Variants in DMD observed in about 807,000 individuals in gnomAD.
DMD encodes the protein dystrophin.
Under a neutral mutation model 330.1 loss-of-function variants are expected in DMD, and 63 were observed. The ratio of observed to expected loss-of-function variants is 0.19; its 90% CI spans 0.16 to 0.24. DMD has a LOEUF of 0.24. Among genes scored for constraint, DMD ranks in the 10% least tolerant of loss-of-function variants. The pLI is 1.00. For missense variants in DMD, 3,344 were observed against 2,684.1 expected, an observed-to-expected ratio of 1.25 and a Z score of -5.43; for synonymous variants, 1,223 against 959.8, an observed-to-expected ratio of 1.27 and a Z score of -5.07.
intron 44 of DMD, among the ~76,000 whole-genome samples, chrX:32,001,439 A>G (rs974360361): frequency 1.8e-5 from 2 of 110,248 alleles, no homozygotes; most frequent in Non-Finnish European, 3.8e-5. Flanking sequence ...TTGGATGTCA[A>G]GCAACTTAGG....
chrX:32,167,571 T>C (rs2096872699), intron 44 of DMD, among the ~76,000 whole-genome samples: 2 of 112,344 alleles, frequency 1.8e-5, no homozygotes, highest in African/African-American at 3.2e-5. Context: ...GCACTTCCAG[T>C]TAGTCTGAGT....
At chrX:33,252,660 G>A (rs2052790262) in intron 1 of DMD, among the ~76,000 whole-genome samples, 1 of 110,793 alleles carries the variant, frequency 9.0e-6, no homozygotes, top group Admixed American at 9.8e-5. Context: ...AGGATCCAAT[G>A]CCACATTGGT....
At chrX:33,165,160 T>C (rs2048989726) in intron 1 of DMD, among the ~76,000 whole-genome samples, 1 of 111,066 alleles carries the variant, frequency 9.0e-6, no homozygotes, top group Non-Finnish European at 1.9e-5. Context: ...AAACAACATG[T>C]CCTTAGCATC....
At position 32,485,107 on chromosome X, in the gene DMD, A is replaced by G. The variant is rs1336116713; in HGVS notation, c.2623-8T>C. On this transcript the variant is annotated splice_region_variant and splice_polypyrimidine_tract_variant and intron_variant, in intron 20 of 78. Transcript: ENST00000357033. Reference sequence around the variant, plus strand: ...TAGCCGGTTGACTTCATCCTGTGCCATAGAGTATGGAAAGTAAGTAACACG... The same window carrying G: ...TAGCCGGTTGACTTCATCCTGTGCCGTAGAGTATGGAAAGTAAGTAACACG... 1 of 1,204,897 alleles carries G rather than the reference A, an allele frequency of 8.3e-7. No individual in the cohort carries two copies. The highest frequency in any genetic ancestry group is 1.1e-6 in the Non-Finnish European group (1 of 889,232).
chrX:31,654,073 ATAAACT>A (rs2080628195), intron 54 of DMD, among the ~76,000 whole-genome samples: 1 of 112,438 alleles, frequency 8.9e-6, no homozygotes, highest in South Asian at 3.6e-4. Context: ...TGATGTATTA[ATAAACT>A]TAAACAGCAA....
intron 6 of DMD, among the ~76,000 whole-genome samples, chrX:32,813,187 G>T (rs1395440864): frequency 9.0e-6 from 1 of 111,404 alleles, no homozygotes; most frequent in Non-Finnish European, 1.9e-5. Context: ...GTCACGTCTA[G>T]CATTAAAAAT....
chrX:32,432,233 T>C (rs1174608032), intron 29 of DMD, among the ~76,000 whole-genome samples: 1 of 111,564 alleles, frequency 9.0e-6, no homozygotes, highest in East Asian at 2.8e-4. Flanking sequence ...AGAACCCCAG[T>C]TTTATGTGGA....
intron 9 of DMD, among the ~76,000 whole-genome samples, chrX:32,681,116 G>A (rs1455161358): frequency 8.9e-6 from 1 of 111,929 alleles, no homozygotes; most frequent in Admixed American, 9.5e-5. Context: ...CATCTCTTAA[G>A]CATAGGGTTA....
intron 44 of DMD, among the ~76,000 whole-genome samples, chrX:32,046,262 G>C (rs1291045001): frequency 8.9e-6 from 1 of 112,521 alleles, no homozygotes; most frequent in Non-Finnish European, 1.9e-5. Context: ...TGGGTAGAAA[G>C]TGACCATTTT....
At chrX:32,062,581 C>A (rs759513556) in intron 44 of DMD, among the ~76,000 whole-genome samples, 1 of 110,868 alleles carries the variant, frequency 9.0e-6, no homozygotes, top group East Asian at 2.8e-4. Flanking sequence ...GCTCTTTATA[C>A]AATACTATTT....
At chrX:31,398,938 G>T (rs919677728) in intron 60 of DMD, among the ~76,000 whole-genome samples, 4 of 111,908 alleles carry the variant, frequency 3.6e-5, no homozygotes, top group Admixed American at 2.8e-4. Flanking sequence ...AGGTGCAGCA[G>T]CTGGGGCCAG....
intron 43 of DMD, among the ~76,000 whole-genome samples, chrX:32,246,749 G>A (rs1471296268): frequency 1.8e-5 from 2 of 108,562 alleles, no homozygotes; most frequent in East Asian, 2.9e-4. Context: ...GTTTATTTGT[G>A]TAGAGGTGTT....
intron 43 of DMD, among the ~76,000 whole-genome samples, chrX:32,248,586 G>T (rs778013496): frequency 6.1e-5 from 6 of 98,784 alleles, no homozygotes; most frequent in African/African-American, 1.7e-4. Flanking sequence ...TACTAATTAT[G>T]GCACTATTCC....
chrX:31,191,138 A>C (rs1371403767), intron 67 of DMD, among the ~76,000 whole-genome samples: 1 of 111,692 alleles, frequency 9.0e-6, no homozygotes, highest in African/African-American at 3.3e-5. Context: ...TTATTTAATC[A>C]TGGCAGATAA....
intron 2 of DMD, among the ~76,000 whole-genome samples, chrX:32,850,709 A>G (rs1458241818): frequency 2.7e-5 from 3 of 111,269 alleles, no homozygotes; most frequent in Admixed American, 9.6e-5. Flanking sequence ...TCTTTCTAAC[A>G]TTTGTCTTTC....
chrX:31,158,384 G>A (rs1402194834), intron 74 of DMD, among the ~76,000 whole-genome samples: 1 of 112,007 alleles, frequency 8.9e-6, no homozygotes, highest in Non-Finnish European at 1.9e-5. Flanking sequence ...TACATTAACA[G>A]TCCAGAATAA....
At chrX:31,190,720 T>C (rs2042259444) in intron 67 of DMD, among the ~76,000 whole-genome samples, 1 of 105,932 alleles carries the variant, frequency 9.4e-6, no homozygotes, top group South Asian at 4.5e-4. Context: ...AGAACTAGAA[T>C]GATTCGGGCC....
chrX:31,676,939 A>C (rs768019124), intron 53 of DMD, among the ~76,000 whole-genome samples: 1 of 111,896 alleles, frequency 8.9e-6, no homozygotes, highest in Non-Finnish European at 1.9e-5. Context: ...CTGTATCGGG[A>C]ACTTACATTG....
At chrX:32,418,481 G>A (rs190836859) in intron 29 of DMD, among the ~76,000 whole-genome samples, 7 of 111,817 alleles carry the variant, frequency 6.3e-5, no homozygotes, top group African/African-American at 2.3e-4. Flanking sequence ...CAAGTTGCAT[G>A]TTTTATATCC....
Sources: allele counts gnomAD v4.1 joint callset (sites outside exome capture counted in the v4.1 genomes callset), GRCh38; gene constraint gnomAD v4.1.1; transcripts MANE v1.5; gene names NCBI Gene and HGNC (gene_info 2026-07-23, HGNC 2026-07-21).